Variants in PCDHA2 observed in about 807,000 individuals in gnomAD.
PCDHA2 encodes the protein protocadherin alpha 2, also known as protocadherin alpha-2.
In PCDHA2, 58 loss-of-function variants were observed where a neutral mutation model predicts 66.0. The ratio of observed to expected loss-of-function variants is 0.88; its 90% CI spans 0.71 to 1.09. The LOEUF is 1.09. Ranked by LOEUF, PCDHA2 falls within the 50% of genes least tolerant of loss-of-function variation. The pLI, the probability that PCDHA2 is intolerant of heterozygous loss-of-function variation, is 0.00. For synonymous variants in PCDHA2, 634 were observed against 554.0 expected (o/e 1.14, Z -2.03); for missense variants, 1,267 against 1,242.3 (o/e 1.02, Z -0.30).
At chr5:140,851,681 T>C (rs1405649457) in intron 1 of PCDHA2, 22 of 923,332 alleles carry the variant, frequency 2.4e-5, no homozygotes, top group Non-Finnish European at 2.8e-5. Flanking sequence ...ATTTTCTCCA[T>C]TCAGTGATAA....
intron 1 of PCDHA2, chr5:140,884,080 T>C (rs2059984285): frequency 6.2e-7 from 1 of 1,613,538 alleles, no homozygotes; most frequent in Non-Finnish European, 8.5e-7. Flanking sequence ...CGGGCTACAA[T>C]GCGTGGCTTT....
chr5:140,927,099 T>C (rs782352775), intron 1 of PCDHA2: 1 of 1,613,434 alleles, frequency 6.2e-7, no homozygotes, highest in Non-Finnish European at 8.5e-7. Context: ...TCGGGGTGGA[T>C]CTACCCAGCG....
chr5:140,968,063 G>A, intron 1 of PCDHA2: 1 of 1,614,096 alleles, frequency 6.2e-7, no homozygotes. Flanking sequence ...AGAGCGGGTG[G>A]CTGTCTACAA....
intron 1 of PCDHA2, among the ~76,000 whole-genome samples, chr5:140,913,069 C>G (rs1249708459): frequency 9.2e-5 from 14 of 152,006 alleles, no homozygotes; most frequent in Non-Finnish European, 1.5e-4. Flanking sequence ...TTTGATGTGT[C>G]ATTGTTTGGT....
intron 2 of PCDHA2, among the ~76,000 whole-genome samples, chr5:140,981,654 A>ATTTCTTCCTTCC (rs563193906): frequency 2.0e-5 from 3 of 152,026 alleles, no homozygotes; most frequent in Non-Finnish European, 2.9e-5. Context: ...GATCCCACTT[A>ATTTCTTCCTTCC]TTTCTTCCTT....
At chr5:140,811,136 C>T (rs1764801862) in intron 1 of PCDHA2, 1 of 152,180 alleles carries the variant, frequency 6.6e-6, no homozygotes, top group South Asian at 2.1e-4. Context: ...TTAGGTATTT[C>T]TCCTAATGCT....
At chr5:140,881,350 T>G (rs1189745119) in intron 1 of PCDHA2, 10 of 985,236 alleles carry the variant, frequency 1.0e-5, no homozygotes, top group Non-Finnish European at 1.2e-5. Context: ...CGGGCTACAA[T>G]GCGTGGCTTT....
chr5:140,837,516 C>CA (rs149634951), intron 1 of PCDHA2, among the ~76,000 whole-genome samples: 2,511 of 151,672 alleles, frequency 0.017, 104 homozygotes, highest in African/African-American at 0.056. Flanking sequence ...AAGCAGTTTA[C>CA]TTTTTTTGTA....
chr5:140,875,771 C>A (rs182160950), intron 1 of PCDHA2: 3 of 1,614,080 alleles, frequency 1.9e-6, no homozygotes, highest in Non-Finnish European at 2.5e-6. Context: ...GGGCGGAGCG[C>A]GGAGTGCAGT....
intron 1 of PCDHA2, chr5:140,926,922 T>A: frequency 6.4e-7 from 1 of 1,570,576 alleles, no homozygotes; most frequent in Non-Finnish European, 8.7e-7. Flanking sequence ...CAGTTTTATG[T>A]TTGTGGGTTT....
At position 140,796,992 on chromosome 5, in the gene PCDHA2, C is replaced by T. The variant is rs1554120235; in HGVS notation, c.2028C>T (p.Pro676=). ...CGTTGGTGGAAAGTGGCCAGGCACC[C>T]AAGGCCTCGTCGCGGGCGTGGGTGG... ...LVSLVESGQA[P]KASSRAWVGA... Residue 676 remains proline (P), a synonymous_variant, in exon 1 of 4, where the codon CCC becomes CCT. Coordinates refer to ENST00000526136, the MANE Select transcript of PCDHA2 (RefSeq NM_018905.3). The T allele has an allele frequency of 6.2e-7, 1 of 1,613,724 alleles. No homozygotes were observed. Among genetic ancestry groups the T allele is most frequent in the South Asian group, 1.1e-5 (1 of 91,080 alleles).
In PCDHA2 at chr5:140,795,918, T is replaced by A. The variant is rs782329141; in HGVS notation, c.954T>A (p.Ile318=). ...ATGAAGAAGCAAAGTCCTACGAGAT[T>A]CAGGTCACTGCAACTGACAAAGGAA... The part of the protein sequence containing the change: ...LDYEEAKSYE[I]QVTATDKGTP... Residue 318 remains isoleucine (I), a synonymous_variant, in exon 1 of 4, where the codon ATT becomes ATA. Transcript: ENST00000526136. 2 of 1,613,746 alleles carry A rather than the reference T, an allele frequency of 1.2e-6. No individual in the cohort carries two copies. The highest frequency in any genetic ancestry group is 2.2e-5 in the East Asian group (1 of 44,894).
intron 1 of PCDHA2, chr5:140,802,232 T>A: frequency 6.2e-7 from 1 of 1,614,226 alleles, no homozygotes; most frequent in South Asian, 1.1e-5. Context: ...ACATCAATGA[T>A]AATGTACCTG....
chr5:140,969,205 C>G (rs1046509500), intron 1 of PCDHA2: 6 of 1,614,130 alleles, frequency 3.7e-6, no homozygotes, highest in East Asian at 2.2e-5. Context: ...ATACAGGGGC[C>G]CAGACAGGAC....
chr5:140,957,063 C>T (rs2095330338), intron 1 of PCDHA2, among the ~76,000 whole-genome samples: 2 of 152,058 alleles, frequency 1.3e-5, no homozygotes, highest in African/African-American at 4.8e-5. Flanking sequence ...ATAAATGTGA[C>T]TGAGGGCTTT....
intron 3 of PCDHA2, among the ~76,000 whole-genome samples, chr5:141,005,617 G>C (rs1419951778): frequency 6.7e-6 from 1 of 149,280 alleles, no homozygotes; most frequent in Non-Finnish European, 1.5e-5. Context: ...CAGGAGAATG[G>C]CGTGAACCCG....
At chr5:140,828,226 G>A (rs1554131112) in intron 1 of PCDHA2, 10 of 1,614,004 alleles carry the variant, frequency 6.2e-6, no homozygotes, top group Non-Finnish European at 5.1e-6. Context: ...GCACCTTCGT[G>A]GGCCGGATCG....
chr5:140,882,715 A>G (rs143870647), intron 1 of PCDHA2: 102 of 1,614,124 alleles, frequency 6.3e-5, no homozygotes, highest in African/African-American at 1.7e-4. Context: ...GACCTCCGGA[A>G]ACTCGATTTC....
chr5:140,907,863 C>T (rs763021038), intron 1 of PCDHA2, among the ~76,000 whole-genome samples: 4 of 152,208 alleles, frequency 2.6e-5, no homozygotes, highest in African/African-American at 7.2e-5. Context: ...TGAGGCCAGC[C>T]GTTGGTGAGC....
Sources: gnomAD v4.1 joint callset for allele counts (sites outside exome capture counted in the v4.1 genomes callset) on GRCh38, gnomAD v4.1.1 for gene constraint, MANE v1.5 for transcripts, NCBI Gene and HGNC (gene_info 2026-07-23, HGNC 2026-07-21) for gene names.